The following TBC1D32 variants were observed in gnomAD, a reference collection of about 807,000 sequenced individuals.
TBC1D32 encodes protein broad-minded.
TBC1D32 carries 151 observed loss-of-function variants against 170.3 expected under a neutral mutation model. The ratio of observed to expected loss-of-function variants is 0.89; its 90% CI spans 0.78 to 1.01. The LOEUF (loss-of-function observed/expected upper bound fraction) is 1.01, where lower values mean the gene tolerates loss of function less well. Ranked by LOEUF, TBC1D32 falls within the 50% of genes least tolerant of loss-of-function variation. TBC1D32 has a pLI of 0.00. For missense variants in TBC1D32, 1,464 were observed against 1,457.1 expected (o/e 1.00, Z -0.08); for synonymous variants, 498 against 488.0 (o/e 1.02, Z -0.27).
At chr6:121,207,649 C>T (rs1792451593) in intron 21 of TBC1D32, among the ~76,000 whole-genome samples, 1 of 152,132 alleles carries the variant, frequency 6.6e-6, no homozygotes. Context: ...GAAGCAGCTT[C>T]CCAGCAACAA....
chr6:121,098,284 A>C (rs1442304085), intron 30 of TBC1D32, among the ~76,000 whole-genome samples: 1 of 151,924 alleles, frequency 6.6e-6, no homozygotes, highest in East Asian at 1.9e-4. Flanking sequence ...AAGCCAAAAT[A>C]GGTATGATTT....
At position 121,194,593 on chromosome 6, in the gene TBC1D32, T is replaced by C. The variant is rs562732695; in HGVS notation, c.2570+10482A>G. 5.9e-5 allele frequency among the ~76,000 whole-genome samples: 9 copies of C among 152,334 alleles called. No individual in the cohort carries two copies. In the East Asian group the frequency reaches 1.7e-3, roughly 29 times the overall value. ...CTGTACTAGATGTGGTTTCATTACTTGAGCAAATTAACACATCTCCTTGTA... is the reference window on the plus strand; with the variant it reads ...CTGTACTAGATGTGGTTTCATTACTCGAGCAAATTAACACATCTCCTTGTA... On this transcript the variant is annotated intron_variant, in intron 22 of 31. Transcript: ENST00000398212.
At chr6:121,299,171 T>C (rs1355015933) in intron 10 of TBC1D32, among the ~76,000 whole-genome samples, 1 of 152,142 alleles carries the variant, frequency 6.6e-6, no homozygotes, top group Non-Finnish European at 1.5e-5. Context: ...TGCTTAAAAA[T>C]ATGGCTTCTC....
At chr6:121,181,056 T>G (rs1788441342) in intron 22 of TBC1D32, among the ~76,000 whole-genome samples, 1 of 151,994 alleles carries the variant, frequency 6.6e-6, no homozygotes, top group Admixed American at 6.6e-5. Context: ...TTCACTTCAG[T>G]TGGAATGGCT....
intron 29 of TBC1D32, among the ~76,000 whole-genome samples, chr6:121,106,921 G>A (rs73766701): frequency 0.078 from 11,761 of 151,608 alleles, 900 homozygotes; most frequent in African/African-American, 0.2. Context: ...GATCAATAAT[G>A]TACTGTGTAT....
chr6:121,130,911 A>G (rs1273732), intron 25 of TBC1D32, among the ~76,000 whole-genome samples: 38,823 of 151,936 alleles, frequency 0.26, 7,836 homozygotes, highest in African/African-American at 0.55. Context: ...GGAGAACAAC[A>G]TTTGATTTCT....
rs1799004305 is a variant in TBC1D32 at position 121,256,276 on chromosome 6, A to G, written c.1743T>C (p.Gly581=). 4 of 1,609,600 alleles carry G rather than the reference A, an allele frequency of 2.5e-6. No individual in the cohort carries two copies. The highest frequency in any genetic ancestry group is 3.4e-6 in the Non-Finnish European group (4 of 1,178,194). Residue 581 remains glycine, a synonymous_variant, in exon 16 of 32, where the codon GGT becomes GGC. Coordinates refer to ENST00000398212, the MANE Select transcript of TBC1D32 (RefSeq NM_152730.6). ...NMNSSEESPT[G]AHIIAQFSKK... is the part of the protein sequence containing the mutation. Reference sequence around the variant, plus strand: ...TCGAAAACTGGGCAATTATATGAGCACCTGTAGGACTAAAAGATGATACCT... The same window carrying G: ...TCGAAAACTGGGCAATTATATGAGCGCCTGTAGGACTAAAAGATGATACCT...
intron 9 of TBC1D32, among the ~76,000 whole-genome samples, chr6:121,301,911 T>C (rs1410021666): frequency 1.3e-5 from 2 of 152,052 alleles, no homozygotes; most frequent in African/African-American, 2.4e-5. Flanking sequence ...ATTACAGGCG[T>C]GACCCACCGC....
chr6:121,300,304 A>T (rs148435466), intron 9 of TBC1D32, among the ~76,000 whole-genome samples: 90 of 152,094 alleles, frequency 5.9e-4, no homozygotes, highest in African/African-American at 2.1e-3. Context: ...AGAATTAGCC[A>T]GGAGTGGTGG....
chr6:121,146,930 C>G (rs1386372517), intron 24 of TBC1D32, among the ~76,000 whole-genome samples: 1 of 152,074 alleles, frequency 6.6e-6, no homozygotes, highest in Admixed American at 6.6e-5. Flanking sequence ...GTGATGAGCA[C>G]AGCAGCCAAC....
At chr6:121,090,755 T>C (rs1776720322) in intron 31 of TBC1D32, 98 bp downstream of exon 31, 1 of 1,119,100 alleles carries the variant, frequency 8.9e-7, no homozygotes, top group South Asian at 1.4e-5. Context: ...CACCATTGGT[T>C]TTTAGGATTA....
In TBC1D32 at chr6:121,290,668, A is replaced by T. The variant is rs1324214027; in HGVS notation, c.1372+1385T>A. ...TTACTGGGTATATACCCAAAGGATT[A>T]TAAATCATGCTGCTATAAAGACACA... On this transcript the variant is annotated intron_variant, in intron 12 of 31. Coordinates refer to ENST00000398212, the MANE Select transcript of TBC1D32 (RefSeq NM_152730.6). Among the ~76,000 whole-genome samples, 3 of 152,210 alleles carry T rather than the reference A, an allele frequency of 2.0e-5. No homozygotes were observed. The East Asian group carries it at 5.8e-4, about 29-fold the overall frequency.
chr6:121,310,786 G>C lies in TBC1D32; in HGVS notation c.557C>G (p.Pro186Arg). The change falls in exon 4 of 32, where the codon CCT becomes CGT. Residue 186 changes from proline (P) to arginine (R), a missense_variant. Pro to Arg is a moderately radical substitution (Grantham distance 103). Around this residue, in one of 3 missense-constraint regions of TBC1D32, gnomAD observed 1,363 missense variants for 1,338.1 expected, o/e 1.02. Transcript: ENST00000398212. ...LILDQLDPGQ[P>R]KEVRYEALQT... ...GCTATCCTTGAAACTTACCTCTTTA[G>C]GTTGCCCAGGATCCAACTGGTCTAA... The C allele has an allele frequency of 6.4e-7, 1 of 1,557,676 alleles. No homozygotes were observed. The highest frequency in any genetic ancestry group is 8.7e-7 in the Non-Finnish European group (1 of 1,145,562).
intron 24 of TBC1D32, among the ~76,000 whole-genome samples, chr6:121,147,644 T>C (rs1396667996): frequency 6.6e-6 from 1 of 152,056 alleles, no homozygotes; most frequent in Non-Finnish European, 1.5e-5. Context: ...CAGGCTGGAG[T>C]GCAGTGGTGC....
At chr6:121,296,684 A>G (rs1805690158) in intron 10 of TBC1D32, among the ~76,000 whole-genome samples, 1 of 152,044 alleles carries the variant, frequency 6.6e-6, no homozygotes, top group Non-Finnish European at 1.5e-5. Flanking sequence ...GCACTATTAT[A>G]CAATGTCTTA....
chr6:121,221,437 T>A (rs2128326593), intron 21 of TBC1D32, among the ~76,000 whole-genome samples: 1 of 152,330 alleles, frequency 6.6e-6, no homozygotes, highest in South Asian at 2.1e-4. Flanking sequence ...ATTTAAGAAA[T>A]ATATTTTGTA....
At chr6:121,142,171 G>C (rs1207427982) in intron 24 of TBC1D32, among the ~76,000 whole-genome samples, 3 of 152,206 alleles carry the variant, frequency 2.0e-5, no homozygotes, top group Non-Finnish European at 4.4e-5. Flanking sequence ...CCCCTAGCCC[G>C]CTCTTTCACT....
intron 20 of TBC1D32, among the ~76,000 whole-genome samples, chr6:121,228,286 T>C (rs114360411): frequency 0.019 from 2,881 of 152,212 alleles, 105 homozygotes; most frequent in African/African-American, 0.066. Context: ...CTAATGTTTA[T>C]TATTTCCCTT....
intron 3 of TBC1D32, among the ~76,000 whole-genome samples, chr6:121,311,092 T>C (rs1808125000): frequency 3.3e-5 from 5 of 152,184 alleles, no homozygotes; most frequent in Admixed American, 3.3e-4. Context: ...AATTAAAGTA[T>C]ATATAACATT....
Sources: allele counts gnomAD v4.1 joint callset (sites outside exome capture counted in the v4.1 genomes callset), GRCh38; gene constraint gnomAD v4.1.1; regional missense constraint gnomAD v4.1.1; transcripts MANE v1.5; gene names NCBI Gene and HGNC (gene_info 2026-07-23, HGNC 2026-07-21).